PAN3: variants seen among roughly 807,000 people sequenced by gnomAD.
The protein encoded by PAN3 is PAN2-PAN3 deadenylation complex subunit PAN3.
PAN3 carries 19 observed loss-of-function variants against 96.2 expected under a neutral mutation model. That is an observed-to-expected ratio of 0.20 (90% CI 0.14 to 0.29). PAN3 has a LOEUF of 0.29. Ranked by LOEUF, PAN3 falls within the 10% of genes least tolerant of loss-of-function variation. The pLI, the probability that PAN3 is intolerant of heterozygous loss-of-function variation, is 1.00. For synonymous variants in PAN3, 433 were observed against 406.6 expected (o/e 1.06, Z -0.78); for missense variants, 882 against 1,108.1 (o/e 0.80, Z 2.90).
chr13:28,293,668 T>C lies in PAN3; in HGVS notation c.*1146T>C, dbSNP rs1451904885. The C allele has an allele frequency of 6.6e-6, 1 of 152,604 alleles. No homozygotes were observed. Among genetic ancestry groups the C allele is most frequent in the Non-Finnish European group, 1.5e-5 (1 of 68,028 alleles). 9.5% of individuals were successfully genotyped at this position (152,604 alleles called of 1,614,324 possible). On this transcript the variant is annotated 3_prime_UTR_variant, in exon 19 of 19. Transcript: ENST00000380958. ...ACTCACTCTGTGCGATATTCCTGAA[T>C]AAGTCCATCTCAAAAGTTTGGGATT...
chr13:28,286,208 C>T (rs1488693463), intron 17 of PAN3, among the ~76,000 whole-genome samples: 2 of 152,190 alleles, frequency 1.3e-5, no homozygotes, highest in Non-Finnish European at 2.9e-5. Context: ...CTTCCAACCT[C>T]TACTGTCTGT....
chr13:28,230,512 A>G (rs1163786009), intron 6 of PAN3, among the ~76,000 whole-genome samples: 1 of 152,170 alleles, frequency 6.6e-6, no homozygotes, highest in Non-Finnish European at 1.5e-5. Flanking sequence ...AATTGTTACA[A>G]AAAAATCAAC....
chr13:28,217,344 G>A (rs1462852459), intron 5 of PAN3, among the ~76,000 whole-genome samples: 1 of 152,060 alleles, frequency 6.6e-6, no homozygotes, highest in Non-Finnish European at 1.5e-5. Flanking sequence ...CACTTTGGGA[G>A]GCTGAGGTGG....
intron 1 of PAN3, among the ~76,000 whole-genome samples, chr13:28,150,582 A>C (rs1294372328): frequency 6.6e-6 from 1 of 150,684 alleles, no homozygotes; most frequent in African/African-American, 2.4e-5. Flanking sequence ...ACTTGCAGTG[A>C]GCCGAGATCA....
chr13:28,256,635 G>A (rs1471204058), intron 7 of PAN3, 96 bp downstream of exon 7: 18 of 1,310,548 alleles, frequency 1.4e-5, no homozygotes, highest in Non-Finnish European at 1.9e-5. Context: ...TTTTTATTGT[G>A]ATGCAAAAAA....
intron 1 of PAN3, among the ~76,000 whole-genome samples, chr13:28,159,778 A>G (rs1872675564): frequency 6.6e-6 from 1 of 151,972 alleles, no homozygotes; most frequent in Non-Finnish European, 1.5e-5. Context: ...CAGGGAGAGT[A>G]GGAGGAGGGT....
At position 28,139,038 on chromosome 13, in the gene PAN3, A is replaced by G; in HGVS notation, c.381A>G (p.Ala127=). The change falls in exon 1 of 19, where the codon GCA becomes GCG. Residue 127 remains alanine, a synonymous_variant. Coordinates refer to ENST00000380958, the MANE Select transcript of PAN3 (RefSeq NM_175854.8). ...PDLGDPGTGA[A]AGGGGSSGGL... ...TGGGGGACCCGGGGACCGGAGCCGC[A>G]GCCGGCGGAGGAGGCAGTAGCGGGG... is the stretch of plus-strand genomic sequence containing the variant. 7.9e-7 allele frequency: 1 copy of G among 1,273,662 alleles called. No individual in the cohort carries two copies. The highest frequency in any genetic ancestry group is 9.9e-7 in the Non-Finnish European group (1 of 1,010,660). The allele number at this position is 1,273,662 out of a possible 1,614,324, so 78.9% of individuals were successfully genotyped here.
intron 17 of PAN3, among the ~76,000 whole-genome samples, chr13:28,283,498 A>C (rs1868553059): frequency 6.6e-6 from 1 of 152,112 alleles, no homozygotes; most frequent in African/African-American, 2.4e-5. Flanking sequence ...ATCAGTCTAT[A>C]TTTTTAGTTT....
At chr13:28,288,197 T>C in intron 18 of PAN3, 75 bp downstream of exon 18, 1 of 1,319,124 alleles carries the variant, frequency 7.6e-7, no homozygotes, top group Non-Finnish European at 1.0e-6. Flanking sequence ...CTACAAATAC[T>C]AGGAAACTTA....
chr13:28,276,191 T>C (rs939951486), intron 14 of PAN3, among the ~76,000 whole-genome samples: 1 of 152,222 alleles, frequency 6.6e-6, no homozygotes, highest in African/African-American at 2.4e-5. Flanking sequence ...GGATGGCTAC[T>C]GCTGATTTTG....
rs116348594 is a variant in PAN3 at position 28,144,160 on chromosome 13, G to C, written c.430+5073G>C. 8.5e-3 allele frequency among the ~76,000 whole-genome samples: 1,278 copies of C among 150,838 alleles called. 23 individuals carry two copies. Among genetic ancestry groups the C allele is most frequent in the African/African-American group, 0.03 (1,210 of 41,006 alleles). ...CAGCCCTAATGGAGTTTACATTCTA[G>C]TGGGGCTATAAATATCTATAAGGTA... On this transcript the variant is annotated intron_variant, in intron 1 of 18. Transcript: ENST00000380958.
chr13:28,142,464 G>T (rs890139176), intron 1 of PAN3, among the ~76,000 whole-genome samples: 4 of 150,690 alleles, frequency 2.7e-5, no homozygotes, highest in African/African-American at 9.9e-5. Context: ...ACCACATCTG[G>T]CCTTCATTGG....
At position 28,183,201 on chromosome 13, in the gene PAN3, CTA is replaced by C. The variant is rs1483419580; in HGVS notation, c.690+5267_690+5268del. On this transcript the variant is annotated intron_variant, in intron 4 of 18. Transcript: ENST00000380958. Reference sequence around the variant, plus strand: ...AAATGGAGAAGACATTGAAAAATAACTAAAATTTTAAAGGAGATTGTAATCTA... The same window carrying C: ...AAATGGAGAAGACATTGAAAAATAACAAATTTTAAAGGAGATTGTAATCTA... Among the ~76,000 whole-genome samples the C allele has an allele frequency of 2.0e-5, 3 of 152,148 alleles. No homozygotes were observed. The South Asian group carries it at 6.2e-4, about 32-fold the overall frequency.
intron 1 of PAN3, among the ~76,000 whole-genome samples, chr13:28,141,910 A>G (rs1342846436): frequency 1.3e-5 from 2 of 152,200 alleles, no homozygotes; most frequent in African/African-American, 4.8e-5. Context: ...CATCTTAGGA[A>G]AATAACTGAG....
At chr13:28,139,473 G>A (rs1440180602) in intron 1 of PAN3, among the ~76,000 whole-genome samples, 2 of 149,748 alleles carry the variant, frequency 1.3e-5, no homozygotes, top group Non-Finnish European at 3.0e-5. Context: ...GTGGAGTGGC[G>A]TCTGCAGAGT....
intron 5 of PAN3, among the ~76,000 whole-genome samples, chr13:28,213,923 C>G (rs1169256983): frequency 6.6e-6 from 1 of 151,994 alleles, no homozygotes; most frequent in Non-Finnish European, 1.5e-5. Flanking sequence ...AAAAGACCAA[C>G]CAAAGTATGT....
intron 5 of PAN3, among the ~76,000 whole-genome samples, chr13:28,213,024 T>C (rs189136340): frequency 6.6e-6 from 1 of 151,970 alleles, no homozygotes; most frequent in Non-Finnish European, 1.5e-5. Flanking sequence ...GAAGCAGCCA[T>C]ACCAAAAAAC....
intron 1 of PAN3, among the ~76,000 whole-genome samples, chr13:28,142,875 T>C (rs949945999): frequency 1.3e-5 from 2 of 152,222 alleles, no homozygotes; most frequent in Non-Finnish European, 2.9e-5. Context: ...ATGACTTTTA[T>C]ATCTAGGCAT....
At chr13:28,187,002 C>T (rs1322784367) in intron 4 of PAN3, among the ~76,000 whole-genome samples, 1 of 152,092 alleles carries the variant, frequency 6.6e-6, no homozygotes, top group Non-Finnish European at 1.5e-5. Context: ...TTGCTTGAGA[C>T]TAGCCTGGGC....
Sources: gnomAD v4.1 joint callset for allele counts (sites outside exome capture counted in the v4.1 genomes callset) on GRCh38, gnomAD v4.1.1 for gene constraint, MANE v1.5 for transcripts, NCBI Gene and HGNC (gene_info 2026-07-23, HGNC 2026-07-21) for gene names.